Variants in PLA2G12B observed in about 807,000 individuals in gnomAD.
PLA2G12B encodes the protein phospholipase A2 group XIIB, also known as group XIIB secretory phospholipase A2-like protein.
Under a neutral mutation model 22.3 loss-of-function variants are expected in PLA2G12B, and 19 were observed. The observed-to-expected ratio is 0.85, with a 90% CI of 0.60 to 1.25. The LOEUF (loss-of-function observed/expected upper bound fraction) is 1.25. PLA2G12B is among the 50% of genes most tolerant of loss of function. The pLI, the probability that PLA2G12B is intolerant of heterozygous loss-of-function variation, is 0.00. For missense variants in PLA2G12B, 191 were observed against 246.6 expected (o/e 0.77, Z 1.51); for synonymous variants, 81 against 94.9 (o/e 0.85, Z 0.85).
chr10:72,939,736 G>T (rs745395817), intron 3 of PLA2G12B, among the ~76,000 whole-genome samples: 5 of 152,244 alleles, frequency 3.3e-5, no homozygotes, highest in Non-Finnish European at 7.3e-5. Flanking sequence ...TGAAGCAGGA[G>T]TCAAGAGACA....
chr10:72,942,869 T>A (rs1846384421), intron 1 of PLA2G12B, 129 bp from the exon 2 acceptor site: 1 of 725,468 alleles, frequency 1.4e-6, no homozygotes, highest in Non-Finnish European at 2.2e-6. Flanking sequence ...GTTCCTCACA[T>A]CCAAATCAGG....
chr10:72,935,736 C>T lies in PLA2G12B; in HGVS notation c.469G>A (p.Ala157Thr), dbSNP rs202017210. ...SLGFVSKVEA[A>T]CDSLVDTVFN... is the part of the protein sequence containing the mutation. ...ACAGTGTCAACCAGGGAATCACAGGCTGCTTGAAAAAGATGAAGAGGGACA... is the reference window on the plus strand; with the variant it reads ...ACAGTGTCAACCAGGGAATCACAGGTTGCTTGAAAAAGATGAAGAGGGACA... The change falls in exon 4 of 4, where the codon GCC becomes ACC. Residue 157 changes from alanine (A) to threonine (T), a missense_variant and splice_region_variant. Coordinates refer to ENST00000373032, the MANE Select transcript of PLA2G12B (RefSeq NM_032562.5). The T allele has an allele frequency of 6.2e-7, 1 of 1,613,142 alleles. No individual in the cohort carries two copies. The highest frequency in any genetic ancestry group is 1.3e-5 in the African/African-American group (1 of 74,996).
At chr10:72,940,094 G>C (rs1768988219) in intron 3 of PLA2G12B, among the ~76,000 whole-genome samples, 1 of 152,168 alleles carries the variant, frequency 6.6e-6, no homozygotes. Flanking sequence ...AAACAGAATA[G>C]AATGATACTC....
At chr10:72,948,140 T>A (rs1037448420) in intron 1 of PLA2G12B, among the ~76,000 whole-genome samples, 1 of 152,188 alleles carries the variant, frequency 6.6e-6, no homozygotes, top group Non-Finnish European at 1.5e-5. Context: ...CCTCCCAAAG[T>A]GCTGGGGTTA....
chr10:72,951,014 G>T (rs747900185), intron 1 of PLA2G12B, among the ~76,000 whole-genome samples: 14 of 152,306 alleles, frequency 9.2e-5, no homozygotes, highest in Admixed American at 2.6e-4. Context: ...TACGTTGAAA[G>T]AGAGCTAGAA....
intron 1 of PLA2G12B, among the ~76,000 whole-genome samples, chr10:72,948,595 A>G (rs1234337141): frequency 6.6e-6 from 1 of 152,236 alleles, no homozygotes; most frequent in African/African-American, 2.4e-5. Context: ...AGCTGTTTAT[A>G]GGAGTGAGAG....
chr10:72,950,440 T>G (rs1846510394), intron 1 of PLA2G12B, among the ~76,000 whole-genome samples: 1 of 152,176 alleles, frequency 6.6e-6, no homozygotes, highest in Non-Finnish European at 1.5e-5. Context: ...CAGATAAAAA[T>G]TCTCTTTAAA....
rs535138674 is a variant in PLA2G12B at position 72,949,866 on chromosome 10, C to T, written c.211+4609G>A. ...TGGCGCATGCCTGTAATCCCAGCTACGCCAGGAGGCTGAGGTAGGAGAATC... is the reference window on the plus strand; with the variant it reads ...TGGCGCATGCCTGTAATCCCAGCTATGCCAGGAGGCTGAGGTAGGAGAATC... On this transcript the variant is annotated intron_variant, in intron 1 of 3. Transcript: ENST00000373032. 2.8e-4 allele frequency among the ~76,000 whole-genome samples: 43 copies of T among 152,140 alleles called. 1 individual carries two copies. The highest frequency in any genetic ancestry group is 1.7e-3 in the East Asian group (9 of 5,168).
chr10:72,954,047 A>C (rs1846575164), intron 1 of PLA2G12B, among the ~76,000 whole-genome samples: 1 of 152,166 alleles, frequency 6.6e-6, no homozygotes, highest in South Asian at 2.1e-4. Context: ...TTTTTCTCTG[A>C]ATGTTCGGCT....
chr10:72,938,926 C>A (rs1254284337), intron 3 of PLA2G12B, among the ~76,000 whole-genome samples: 1 of 152,176 alleles, frequency 6.6e-6, no homozygotes, highest in African/African-American at 2.4e-5. Flanking sequence ...TACTGCATAA[C>A]GACAGTAACA....
Position 72,950,469 on chromosome 10 carries a change from T to TTTTA in PLA2G12B, c.211+4002_211+4005dup, listed in dbSNP as rs886279869. 2.0e-5 allele frequency among the ~76,000 whole-genome samples: 3 copies of TTTTA among 152,292 alleles called. No individual in the cohort carries two copies. In the East Asian group the frequency reaches 5.8e-4, roughly 29 times the overall value. ...CTTTAAAAAATAGACTGATATTTAT[T>TTTTA]TTTATTTATTTATTTATTTGTTTAT... On this transcript the variant is annotated intron_variant, in intron 1 of 3. Transcript: ENST00000373032.
chr10:72,935,529 C>A lies in PLA2G12B; in HGVS notation c.*88G>T. ...TGTGGTGTCCAAACTGTTGGAAGAA[C>A]GAATGAGTCACGCTGACTCGAAGAC... On this transcript the variant is annotated 3_prime_UTR_variant, in exon 4 of 4. Coordinates refer to ENST00000373032, the MANE Select transcript of PLA2G12B (RefSeq NM_032562.5). 1 of 1,546,544 alleles carries A rather than the reference C, an allele frequency of 6.5e-7. No homozygotes were observed. Among genetic ancestry groups the A allele is most frequent in the Admixed American group, 1.9e-5 (1 of 53,850 alleles).
At chr10:72,948,053 T>C (rs1846471067) in intron 1 of PLA2G12B, among the ~76,000 whole-genome samples, 1 of 152,160 alleles carries the variant, frequency 6.6e-6, no homozygotes, top group East Asian at 1.9e-4. Context: ...TTTTTGTGTT[T>C]TTAGTAGAGA....
intron 1 of PLA2G12B, among the ~76,000 whole-genome samples, chr10:72,948,697 G>A (rs1185284742): frequency 6.6e-6 from 1 of 152,190 alleles, no homozygotes; most frequent in East Asian, 1.9e-4. Context: ...TTTAGCTATG[G>A]CTGCTGTCAC....
intron 3 of PLA2G12B, among the ~76,000 whole-genome samples, 163 bp downstream of exon 3, chr10:72,941,006 C>A (rs1846351370): frequency 6.6e-6 from 1 of 152,048 alleles, no homozygotes; most frequent in South Asian, 2.1e-4. Context: ...TGAAGGAGTG[C>A]CCAGAATCTT....
At chr10:72,941,769 C>T (rs1846365112) in intron 2 of PLA2G12B, among the ~76,000 whole-genome samples, 1 of 151,986 alleles carries the variant, frequency 6.6e-6, no homozygotes, top group South Asian at 2.1e-4. Flanking sequence ...CTCCGTTCAT[C>T]AAAAGATCAC....
Position 72,941,336 on chromosome 10 carries a change from T to G in PLA2G12B, c.301-2A>C. The G allele has an allele frequency of 6.2e-7, 1 of 1,612,476 alleles. No homozygotes were observed. Among genetic ancestry groups the G allele is most frequent in the Non-Finnish European group, 8.5e-7 (1 of 1,178,626 alleles). ...CATTGCTGGAATGCCCAAGTCCATC[T>G]GGGGAAAAGTGAAGGAAGGGAAAAG... On this transcript the variant is annotated splice_acceptor_variant, in intron 2 of 3. Coordinates refer to ENST00000373032, the MANE Select transcript of PLA2G12B (RefSeq NM_032562.5). LOFTEE classifies it high-confidence loss of function.
chr10:72,937,072 G>A (rs964847899), intron 3 of PLA2G12B, among the ~76,000 whole-genome samples: 8 of 152,110 alleles, frequency 5.3e-5, no homozygotes, highest in Non-Finnish European at 7.4e-5. Context: ...TTAGCCAGGC[G>A]TGGTGGCGGG....
chr10:72,937,091 G>A (rs1250018893), intron 3 of PLA2G12B, among the ~76,000 whole-genome samples: 1 of 152,068 alleles, frequency 6.6e-6, no homozygotes, highest in Non-Finnish European at 1.5e-5. Flanking sequence ...GGCGCCTGTA[G>A]TCCCAGCTAC....
Sources: allele counts gnomAD v4.1 joint callset (sites outside exome capture counted in the v4.1 genomes callset), GRCh38; gene constraint gnomAD v4.1.1; transcripts MANE v1.5; gene names NCBI Gene and HGNC (gene_info 2026-07-23, HGNC 2026-07-21).